The following MGA variants were observed in gnomAD, a reference collection of about 807,000 sequenced individuals.
MGA encodes the protein MAX gene-associated protein.
A neutral mutation model predicts 261.1 loss-of-function variants in MGA; 40 were observed. That is an observed-to-expected ratio of 0.15 (90% CI 0.12 to 0.20). MGA has a LOEUF of 0.20. Among genes scored for constraint, MGA ranks in the 10% least tolerant of loss-of-function variants. The pLI is 1.00. For synonymous variants in MGA, 1,302 were observed against 1,290.6 expected (o/e 1.01, Z -0.19); for missense variants, 3,397 against 3,630.5 (o/e 0.94, Z 1.65).
intron 20 of MGA, among the ~76,000 whole-genome samples, chr15:41,761,133 AG>A (rs1006882793): frequency 1.4e-4 from 22 of 152,330 alleles, no homozygotes; most frequent in African/African-American, 5.3e-4. Flanking sequence ...AACTCTGGTT[AG>A]CCATGTTGAC....
chr15:41,695,996 C>CTT (rs74824973), intron 2 of MGA, 79 bp from the exon 3 acceptor site: 535 of 868,568 alleles, frequency 6.2e-4, no homozygotes, highest in South Asian at 1.2e-3. Flanking sequence ...TTCCTAACAT[C>CTT]TTTTTTTTTT....
chr15:41,649,706 GTCTC>G (rs2057003177), intron 1 of MGA, among the ~76,000 whole-genome samples: 1 of 152,126 alleles, frequency 6.6e-6, no homozygotes, highest in Non-Finnish European at 1.5e-5. Context: ...TTGAGCTGGA[GTCTC>G]TCTCTGTCAC....
rs2057942013 is a variant in MGA, at chr15:41,669,715, A to G, written c.821A>G (p.Lys274Arg). 1 of 1,613,632 alleles carries G rather than the reference A, an allele frequency of 6.2e-7. No homozygotes were observed. Among genetic ancestry groups the G allele is most frequent in the Non-Finnish European group, 8.5e-7 (1 of 1,179,674 alleles). Residue 274 changes from lysine to arginine, a missense_variant, in exon 2 of 24, where the codon AAG becomes AGG. Coordinates refer to ENST00000219905, the MANE Select transcript of MGA (RefSeq NM_001164273.2). ...AAGCCCCAGAGAGATGGAAAACAAA[A>G]GAACAGCTCTGACCAAGAAGGGAAT...
At chr15:41,704,474 C>T (rs1275000055) in intron 5 of MGA, among the ~76,000 whole-genome samples, 4 of 152,132 alleles carry the variant, frequency 2.6e-5, no homozygotes, top group Non-Finnish European at 4.4e-5. Flanking sequence ...CCTGGTAACA[C>T]GGTGAAACCC....
At chr15:41,716,556 A>T (rs1406435200) in intron 9 of MGA, among the ~76,000 whole-genome samples, 5 of 152,190 alleles carry the variant, frequency 3.3e-5, no homozygotes, top group Admixed American at 2.6e-4. Context: ...CATGTTGCCG[A>T]TACCAAAAAT....
At chr15:41,760,618 A>T in intron 20 of MGA, 89 bp downstream of exon 20, 2 of 1,276,486 alleles carry the variant, frequency 1.6e-6, no homozygotes, top group Admixed American at 2.0e-5. Flanking sequence ...CATATAAGGG[A>T]GATTGAAATA....
chr15:41,699,096 G>A lies in MGA; in HGVS notation c.2125G>A (p.Glu709Lys). Residue 709 changes from glutamate (E) to lysine (K), a missense_variant, in exon 5 of 24, where the codon GAA (glutamate) becomes AAA (lysine). Coordinates refer to ENST00000219905, the MANE Select transcript of MGA (RefSeq NM_001164273.2). ...AGCAAGAATTTCCCAGTTGGAAAAG[G>A]AATTGATAGAAGATTTGAAGACTTT... 1 of 1,612,442 alleles carries A rather than the reference G, an allele frequency of 6.2e-7. No individual in the cohort carries two copies. Among genetic ancestry groups the A allele is most frequent in the Non-Finnish European group, 8.5e-7 (1 of 1,179,214 alleles).
chr15:41,736,859 T>A (rs2061805268), intron 13 of MGA, among the ~76,000 whole-genome samples, 161 bp downstream of exon 13: 1 of 152,224 alleles, frequency 6.6e-6, no homozygotes, highest in South Asian at 2.1e-4. Context: ...CTAGTTTAGA[T>A]GCATACCTAG....
At position 41,766,299 on chromosome 15, in the gene MGA, A is replaced by G; in HGVS notation, c.8217A>G (p.Ala2739=). 1 of 1,613,968 alleles carries G rather than the reference A, an allele frequency of 6.2e-7. No homozygotes were observed. Among genetic ancestry groups the G allele is most frequent in the Non-Finnish European group, 8.5e-7 (1 of 1,179,862 alleles). Residue 2739 remains alanine, a synonymous_variant, in exon 24 of 24, where the codon GCA becomes GCG. Coordinates refer to ENST00000219905, the MANE Select transcript of MGA (RefSeq NM_001164273.2). ...TTGACGTTTCCAATATGCAGAAAGC[A>G]CAAGAGTTCTTACCTAAAAAGATTT...
At chr15:41,674,423 C>G (rs2058259899) in intron 2 of MGA, among the ~76,000 whole-genome samples, 1 of 152,174 alleles carries the variant, frequency 6.6e-6, no homozygotes, top group Non-Finnish European at 1.5e-5. Context: ...GTCTTGAACT[C>G]CTGACCTCAA....
At chr15:41,740,276 GT>G in intron 14 of MGA, 73 bp downstream of exon 14, 1 of 1,459,504 alleles carries the variant, frequency 6.9e-7, no homozygotes, top group East Asian at 2.3e-5. Flanking sequence ...AGGTATGGAG[GT>G]TGTAAAAATT....
chr15:41,740,236 C>G (rs775902077), intron 14 of MGA, 33 bp downstream of exon 14: 2 of 1,604,504 alleles, frequency 1.2e-6, no homozygotes, highest in East Asian at 4.5e-5. Flanking sequence ...TTTGGAAAGG[C>G]CTATGACTTG....
At chr15:41,626,630 T>G (rs1378128358) in intron 1 of MGA, among the ~76,000 whole-genome samples, 1 of 151,844 alleles carries the variant, frequency 6.6e-6, no homozygotes, top group Non-Finnish European at 1.5e-5. Flanking sequence ...TCCACATTGG[T>G]CAGGCTGGTC....
In MGA at chr15:41,713,291, C is replaced by T. The variant is rs1463120948; in HGVS notation, c.3225C>T (p.Asp1075=). The change falls in exon 9 of 24, where the codon GAC becomes GAT. Residue 1075 remains aspartate (D), a synonymous_variant. Transcript: ENST00000219905. ...AACCTGCTCACTGCCGCCGACCAGACTGCATGTTTGGTTGTACTTGTTTGA... is the reference window on the plus strand; with the variant it reads ...AACCTGCTCACTGCCGCCGACCAGATTGCATGTTTGGTTGTACTTGTTTGA... 2 of 1,613,872 alleles carry T rather than the reference C, an allele frequency of 1.2e-6. No individual in the cohort carries two copies. The highest frequency in any genetic ancestry group is 1.7e-6 in the Non-Finnish European group (2 of 1,179,892).
chr15:41,736,664 G>A lies in MGA; in HGVS notation c.4400G>A (p.Arg1467His), dbSNP rs781611773. The A allele has an allele frequency of 5.0e-6, 8 of 1,612,774 alleles. No homozygotes were observed. Among genetic ancestry groups the A allele is most frequent in the East Asian group, 4.5e-5 (2 of 44,862 alleles). The stretch of plus-strand genomic sequence containing the variant: ...GCAGGGAAGCTTGTGGCCTATAAAC[G>A]TAAACCCAGTTCAAGTACATCTGGG... The change falls in exon 13 of 24, where the codon CGT becomes CAT. Residue 1467 changes from arginine (R) to histidine (H), a missense_variant. By Grantham distance (29) the Arg-to-His change is conservative. Coordinates refer to ENST00000219905, the MANE Select transcript of MGA (RefSeq NM_001164273.2).
chr15:41,650,030 A>G (rs1316593100), intron 1 of MGA, among the ~76,000 whole-genome samples: 5 of 152,126 alleles, frequency 3.3e-5, no homozygotes, highest in African/African-American at 4.8e-5. Context: ...TTTACTTCCT[A>G]TGAGAATTAT....
chr15:41,755,284 G>GA (rs1408126998), intron 18 of MGA, among the ~76,000 whole-genome samples: 4 of 152,322 alleles, frequency 2.6e-5, no homozygotes, highest in Admixed American at 1.3e-4. Context: ...AGTTGAGAAA[G>GA]AATAATTCTT....
Position 41,670,456 on chromosome 15 carries a change from T to A in MGA, c.1064+498T>A, listed in dbSNP as rs544358661. Reference sequence around the variant, plus strand: ...GTAGAGAGAGACTGAAAGATGTTGGTCAAAGGGTACAAAGCTTCAGTTATG... The same window carrying A: ...GTAGAGAGAGACTGAAAGATGTTGGACAAAGGGTACAAAGCTTCAGTTATG... On this transcript the variant is annotated intron_variant, in intron 2 of 23. Coordinates refer to ENST00000219905, the MANE Select transcript of MGA (RefSeq NM_001164273.2). 2.0e-5 allele frequency among the ~76,000 whole-genome samples: 3 copies of A among 152,254 alleles called. No homozygotes were observed. In the South Asian group the frequency reaches 6.2e-4, roughly 32 times the overall value.
intron 1 of MGA, among the ~76,000 whole-genome samples, chr15:41,653,063 T>C (rs779052761): frequency 2.7e-4 from 41 of 152,330 alleles, no homozygotes; most frequent in Non-Finnish European, 5.7e-4. Flanking sequence ...ATACAGCTTT[T>C]ACCTCTTTTT....
Sources: allele counts gnomAD v4.1 joint callset (sites outside exome capture counted in the v4.1 genomes callset), GRCh38; gene constraint gnomAD v4.1.1; transcripts MANE v1.5; gene names NCBI Gene and HGNC (gene_info 2026-07-23, HGNC 2026-07-21).